C4orf51: variants seen among roughly 807,000 people sequenced by gnomAD.
The protein encoded by C4orf51 is chromosome 4 open reading frame 51.
Under a neutral mutation model 25.2 loss-of-function variants are expected in C4orf51, and 25 were observed. The observed-to-expected ratio is 0.99, with a 90% confidence interval of 0.72 to 1.39. The LOEUF (loss-of-function observed/expected upper bound fraction) is 1.39. C4orf51 is among the 40% of genes most tolerant of loss of function. The pLI, the probability that C4orf51 is intolerant of heterozygous loss-of-function variation, is 0.00. For synonymous variants in C4orf51, 100 were observed against 84.5 expected (o/e 1.18, Z -1.01); for missense variants, 252 against 239.6 (o/e 1.05, Z -0.34).
At chr4:145,702,977 AC>A (rs1221620380) in intron 2 of C4orf51, among the ~76,000 whole-genome samples, 47 of 143,708 alleles carry the variant, frequency 3.3e-4, no homozygotes, top group Non-Finnish European at 5.5e-4. Flanking sequence ...TCTCCATACC[AC>A]CCCCCCAAAA....
the C4orf51 span, among the ~76,000 whole-genome samples, chr4:145,776,120 T>A: frequency 6.6e-6 from 1 of 152,188 alleles, no homozygotes; most frequent in Admixed American, 6.6e-5. Context: ...TCTAAAAGTC[T>A]TTACCCAGCA....
chr4:145,738,999 C>T (rs1404938616), intron 1 of C4orf51, among the ~76,000 whole-genome samples: 4 of 152,034 alleles, frequency 2.6e-5, no homozygotes, highest in African/African-American at 4.8e-5. Flanking sequence ...TGTCCTTGTC[C>T]CTTCCCTTCC....
downstream of C4orf51, among the ~76,000 whole-genome samples, chr4:145,773,804 C>T (rs1415307536): frequency 1.3e-5 from 2 of 152,114 alleles, no homozygotes; most frequent in East Asian, 1.9e-4. Flanking sequence ...ACATGCCATG[C>T]GTCATTAAGG....
intron 2 of C4orf51, among the ~76,000 whole-genome samples, chr4:145,719,705 C>G (rs1560844499): frequency 6.6e-6 from 1 of 151,576 alleles, no homozygotes; most frequent in Non-Finnish European, 1.5e-5. Flanking sequence ...AAGTGAATTA[C>G]TAGTGCGTGG....
intron 4 of C4orf51, among the ~76,000 whole-genome samples, 166 bp downstream of exon 4, chr4:145,729,395 A>G (rs963940002): frequency 1.6e-4 from 20 of 125,764 alleles, no homozygotes; most frequent in African/African-American, 4.7e-4. Flanking sequence ...TCTGCCTCCC[A>G]CGTTCACGCC....
chr4:145,752,743 C>T (rs1008774744), intron 1 of C4orf51, among the ~76,000 whole-genome samples: 1 of 152,116 alleles, frequency 6.6e-6, no homozygotes, highest in Admixed American at 6.5e-5. Flanking sequence ...GCCTAAGCTG[C>T]CTTTTGAGTT....
At chr4:145,705,108 G>T (rs2126713879) in intron 2 of C4orf51, among the ~76,000 whole-genome samples, 1 of 152,300 alleles carries the variant, frequency 6.6e-6, no homozygotes, top group Non-Finnish European at 1.5e-5. Flanking sequence ...GTTTACTGGA[G>T]TTGTATACAT....
chr4:145,774,808 T>G (rs1023250425), downstream of C4orf51: 2 of 1,039,148 alleles, frequency 1.9e-6, no homozygotes, highest in East Asian at 2.6e-5. Context: ...CCAAAAGGTT[T>G]TGCATTAGAA....
At chr4:145,770,291 CCT>C (rs1249346901) in intron 1 of C4orf51, among the ~76,000 whole-genome samples, 1 of 147,550 alleles carries the variant, frequency 6.8e-6, no homozygotes, top group Admixed American at 6.8e-5. Context: ...AGAGTGAGAC[CCT>C]GTCTTAAAAT....
chr4:145,729,848 T>C (rs748493413), intron 4 of C4orf51, 44 bp from the exon 5 acceptor site: 5 of 1,528,682 alleles, frequency 3.3e-6, no homozygotes, highest in East Asian at 2.2e-5. Flanking sequence ...TGGTAGACTC[T>C]CTTTATCGCA....
the C4orf51 span, among the ~76,000 whole-genome samples, chr4:145,781,427 A>G: frequency 6.6e-6 from 1 of 152,106 alleles, no homozygotes; most frequent in Non-Finnish European, 1.5e-5. Context: ...ATGTCTGGAA[A>G]TGGGAGGAGG....
the C4orf51 span, among the ~76,000 whole-genome samples, chr4:145,784,585 T>G: frequency 6.6e-6 from 1 of 152,216 alleles, no homozygotes; most frequent in African/African-American, 2.4e-5. Flanking sequence ...ACCTTAAAAC[T>G]TCTTTTAGAT....
chr4:145,698,925 A>G (rs544626250), intron 2 of C4orf51, among the ~76,000 whole-genome samples: 17 of 152,244 alleles, frequency 1.1e-4, no homozygotes, highest in Admixed American at 1.0e-3. Flanking sequence ...AGAAGTGAAT[A>G]TGCCCAGCCC....
In C4orf51 at chr4:145,765,129, G is replaced by T; in HGVS notation, n.167-5859G>T. 1 of 1,613,612 alleles carries T rather than the reference G, an allele frequency of 6.2e-7. No homozygotes were observed. The highest frequency in any genetic ancestry group is 8.5e-7 in the Non-Finnish European group (1 of 1,179,752). On this transcript the variant is annotated intron_variant and non_coding_transcript_variant, in intron 1 of 1. Coordinates refer to the C4orf51 transcript ENST00000510096. This position sits in a 1 kb window ranked among gnomAD's most constrained non-coding sequence, Gnocchi z 4.7. ...CAGATGACGCTCAAACATGTTCTTC[G>T]TCTTGCAGACAAAGTTGCAAAAAAC...
intron 1 of C4orf51, among the ~76,000 whole-genome samples, chr4:145,742,586 C>T (rs1733162294): frequency 7.5e-6 from 1 of 132,930 alleles, no homozygotes; most frequent in African/African-American, 3.0e-5. Context: ...GTCGCCCAGG[C>T]TGGAGTGCAG....
chr4:145,687,308 A>T (rs1396471065), intron 1 of C4orf51, among the ~76,000 whole-genome samples: 1 of 152,124 alleles, frequency 6.6e-6, no homozygotes, highest in Non-Finnish European at 1.5e-5. Flanking sequence ...AGACCGAACC[A>T]ATGTACTTCT....
chr4:145,751,446 C>T (rs542138927), intron 1 of C4orf51, among the ~76,000 whole-genome samples: 30 of 152,266 alleles, frequency 2.0e-4, no homozygotes, highest in African/African-American at 7.2e-4. Flanking sequence ...TCTGGATTAC[C>T]AGGTAAATAC....
At chr4:145,746,928 T>C (rs946231262) in intron 1 of C4orf51, among the ~76,000 whole-genome samples, 1 of 152,092 alleles carries the variant, frequency 6.6e-6, no homozygotes, top group Non-Finnish European at 1.5e-5. Flanking sequence ...ATCTTTCACT[T>C]CTTTGATTAA....
At chr4:145,735,592 G>T (rs1254772437), downstream of C4orf51, among the ~76,000 whole-genome samples, 1 of 152,132 alleles carries the variant, frequency 6.6e-6, no homozygotes, top group African/African-American at 2.4e-5. Context: ...TCTGCTTCTG[G>T]TTTCTTCTTC....
Sources: gnomAD v4.1 joint callset for allele counts (sites outside exome capture counted in the v4.1 genomes callset) on GRCh38, gnomAD v4.1.1 for gene constraint, Gnocchi (gnomAD v3.1) non-coding constraint, MANE v1.5 for transcripts, NCBI Gene and HGNC (gene_info 2026-07-23, HGNC 2026-07-21) for gene names.